Variants in MMRN1 observed in about 807,000 individuals in gnomAD.
MMRN1 encodes the protein multimerin-1.
A neutral mutation model predicts 100.7 loss-of-function variants in MMRN1; 94 were observed. That is an observed-to-expected ratio of 0.93 (90% confidence interval 0.79 to 1.11). The LOEUF (loss-of-function observed/expected upper bound fraction) is 1.11. MMRN1 is among the 50% of genes least tolerant of loss of function. MMRN1 has a pLI of 0.00. For missense variants in MMRN1, 1,606 were observed against 1,439.1 expected, an observed-to-expected ratio of 1.12 and a Z score of -1.88; for synonymous variants, 575 against 505.0, an observed-to-expected ratio of 1.14 and a Z score of -1.86.
At chr4:89,951,933 A>G (rs1232063775) in intron 7 of MMRN1, among the ~76,000 whole-genome samples, 182 bp downstream of exon 7, 1 of 152,158 alleles carries the variant, frequency 6.6e-6, no homozygotes, top group African/African-American at 2.4e-5. Context: ...TCCTTTTGTT[A>G]GGCAAATTCT....
Position 89,953,317 on chromosome 4 carries a change from A to C in MMRN1, c.3586A>C (p.Asn1196His). The C allele has an allele frequency of 6.2e-7, 1 of 1,613,856 alleles. No homozygotes were observed. The highest frequency in any genetic ancestry group is 8.5e-7 in the Non-Finnish European group (1 of 1,179,850). Residue 1196 changes from asparagine (N) to histidine (H), a missense_variant, in exon 8 of 8, where the codon AAT becomes CAT. By Grantham distance (68) the Asn-to-His change is moderately conservative. Transcript: ENST00000264790. Reference protein sequence around the residue: ...VLTGDALLELNYGQEVWLRLA... With the variant: ...VLTGDALLELHYGQEVWLRLA... ...AACTGGGGATGCCTTATTAGAATTA[A>C]ATTATGGGCAGGAAGTCTGGTTACG...
rs374396182 is a variant in MMRN1, at chr4:89,935,954, T to C, written c.2274T>C (p.Asn758=). 2.7e-5 allele frequency: 44 copies of C among 1,611,724 alleles called. No homozygotes were observed. Among genetic ancestry groups the C allele is most frequent in the Admixed American group, 1.0e-4 (6 of 59,848 alleles). The change falls in exon 6 of 8, where the codon AAT becomes AAC. Residue 758 remains asparagine, a synonymous_variant. Coordinates refer to ENST00000264790, the MANE Select transcript of MMRN1 (RefSeq NM_007351.3). ...LKETLSTIKD[N]SEIHHKCTSD... ...AGACTTTAAGTACTATTAAGGATAA[T>C]AGTGAGATCCATCATAAATGTACCT...
At chr4:89,909,194 T>C in intron 1 of MMRN1, 82 bp from the exon 2 acceptor site, 1 of 1,440,986 alleles carries the variant, frequency 6.9e-7, no homozygotes, top group Non-Finnish European at 9.5e-7. Context: ...CAAAAATAAA[T>C]GTTTGTCTGT....
chr4:89,909,887 T>C (rs1721692720), intron 2 of MMRN1, among the ~76,000 whole-genome samples: 2 of 151,562 alleles, frequency 1.3e-5, no homozygotes, highest in South Asian at 4.1e-4. Flanking sequence ...CTTGTGTCTA[T>C]TGTAATTAGC....
intron 4 of MMRN1, among the ~76,000 whole-genome samples, chr4:89,927,232 T>G (rs1429340145): frequency 6.6e-6 from 1 of 152,102 alleles, no homozygotes; most frequent in Non-Finnish European, 1.5e-5. Context: ...TTGGATAGTA[T>G]GGACATTTTA....
chr4:89,897,307 C>A (rs1721237235), intron 1 of MMRN1, among the ~76,000 whole-genome samples: 1 of 151,864 alleles, frequency 6.6e-6, no homozygotes, highest in South Asian at 2.1e-4. Context: ...CTCCCAGGTT[C>A]AAGCGATTCT....
At chr4:89,932,155 G>T (rs1327022309) in intron 5 of MMRN1, among the ~76,000 whole-genome samples, 2 of 152,106 alleles carry the variant, frequency 1.3e-5, no homozygotes, top group African/African-American at 2.4e-5. Context: ...AGGGGCTACG[G>T]GCCTCACGCA....
chr4:89,935,120 A>C lies in MMRN1; in HGVS notation c.1440A>C (p.Glu480Asp), dbSNP rs1285659154. Residue 480 changes from glutamate (E) to aspartate (D), a missense_variant, in exon 6 of 8, where the codon GAA (glutamate) becomes GAC (aspartate). Transcript: ENST00000264790. Reference sequence around the variant, plus strand: ...TTACATGTGAGAAGCCTATTAAAGAACTAGAAGTAAAGCAGACTCATTTAG... The same window carrying C: ...TTACATGTGAGAAGCCTATTAAAGACCTAGAAGTAAAGCAGACTCATTTAG... The part of the protein sequence containing the change: ...MTLTCEKPIK[E>D]LEVKQTHLEG... The C allele has an allele frequency of 6.2e-7, 1 of 1,613,588 alleles. No individual in the cohort carries two copies. The highest frequency in any genetic ancestry group is 8.5e-7 in the Non-Finnish European group (1 of 1,179,774).
intron 1 of MMRN1, among the ~76,000 whole-genome samples, chr4:89,904,881 AG>A (rs1388953743): frequency 6.6e-6 from 1 of 151,676 alleles, no homozygotes; most frequent in African/African-American, 2.4e-5. Flanking sequence ...AAAACAAATG[AG>A]GGTTTAGCTG....
intron 1 of MMRN1, among the ~76,000 whole-genome samples, chr4:89,897,152 G>A (rs1721231024): frequency 6.6e-6 from 1 of 151,998 alleles, no homozygotes; most frequent in South Asian, 2.1e-4. Context: ...ACTAATTACA[G>A]TAAAACCCTT....
chr4:89,948,118 C>G (rs751387968), intron 6 of MMRN1, among the ~76,000 whole-genome samples: 1 of 152,160 alleles, frequency 6.6e-6, no homozygotes, highest in Non-Finnish European at 1.5e-5. Context: ...TCCCAAAGTG[C>G]TAGGATTACA....
intron 6 of MMRN1, 118 bp downstream of exon 6, chr4:89,936,916 A>C (rs1722664577): frequency 4.5e-6 from 4 of 885,180 alleles, no homozygotes; most frequent in Non-Finnish European, 6.5e-6. Flanking sequence ...ACTTGGATAG[A>C]TAGTCAAGTT....
At position 89,954,350 on chromosome 4, in the gene MMRN1, C is replaced by A. The variant is rs534986692; in HGVS notation, c.*932C>A. 6.6e-5 allele frequency: 10 copies of A among 152,240 alleles called. No homozygotes were observed. Among genetic ancestry groups the A allele is most frequent in the African/African-American group, 2.2e-4 (9 of 41,562 alleles). The allele number at this position is 152,240 out of a possible 1,614,324, so 9.4% of individuals were successfully genotyped here. A position where few individuals can be genotyped will look rare whatever the true frequency, so the allele number is the denominator to read the frequency against. ...AACCTAAGACACAGAGACCAAGGCC[C>A]ATGAGCTCATAGGGCTGAGGCAGGA... On this transcript the variant is annotated 3_prime_UTR_variant, in exon 8 of 8. Transcript: ENST00000264790.
Position 89,953,082 on chromosome 4 carries a change from C to G in MMRN1, c.3351C>G (p.Ile1117Met). ...HTYGMTIPGP[I>M]LFNNLDVNYG... ...ATGGAATGACTATACCTGGTCCTAT[C>G]CTGTTTAATAACTTGGATGTCAATT... Residue 1117 changes from isoleucine (I) to methionine (M), a missense_variant, in exon 8 of 8, where the codon ATC becomes ATG. By Grantham distance (10) the Ile-to-Met change is conservative. Coordinates refer to ENST00000264790, the MANE Select transcript of MMRN1 (RefSeq NM_007351.3). 6.2e-6 allele frequency: 10 copies of G among 1,613,840 alleles called. No individual in the cohort carries two copies. Among genetic ancestry groups the G allele is most frequent in the Non-Finnish European group, 8.5e-6 (10 of 1,179,838 alleles).
intron 3 of MMRN1, among the ~76,000 whole-genome samples, chr4:89,920,900 A>G (rs1406849337): frequency 1.3e-5 from 2 of 152,030 alleles, no homozygotes; most frequent in African/African-American, 4.8e-5. Flanking sequence ...GGGAGTGGAA[A>G]GAACATGGAC....
intron 6 of MMRN1, among the ~76,000 whole-genome samples, chr4:89,944,622 C>T (rs1450082991): frequency 2.0e-5 from 3 of 151,778 alleles, no homozygotes; most frequent in African/African-American, 4.8e-5. Context: ...GCAGGCAAAG[C>T]GATGTTAAGA....
At chr4:89,905,977 A>G (rs1481855328) in intron 1 of MMRN1, among the ~76,000 whole-genome samples, 1 of 151,560 alleles carries the variant, frequency 6.6e-6, no homozygotes, top group African/African-American at 2.4e-5. Context: ...AGTATAACTG[A>G]ATAATGTTAG....
intron 1 of MMRN1, among the ~76,000 whole-genome samples, chr4:89,886,686 C>G (rs1486450106): frequency 6.6e-6 from 1 of 152,038 alleles, no homozygotes; most frequent in Non-Finnish European, 1.5e-5. Flanking sequence ...TTCTGTCCAT[C>G]TTGGCTTCAT....
At chr4:89,906,435 A>G (rs894071998) in intron 1 of MMRN1, among the ~76,000 whole-genome samples, 1 of 151,574 alleles carries the variant, frequency 6.6e-6, no homozygotes, top group African/African-American at 2.4e-5. Context: ...CAAAAGCAAC[A>G]GAGTTATTAC....
Sources: gnomAD v4.1 joint callset for allele counts (sites outside exome capture counted in the v4.1 genomes callset) on GRCh38, gnomAD v4.1.1 for gene constraint, MANE v1.5 for transcripts, NCBI Gene and HGNC (gene_info 2026-07-23, HGNC 2026-07-21) for gene names.